Variants in NKX2-5 observed in about 807,000 individuals in gnomAD.
The protein encoded by NKX2-5 is NK2 homeobox 5.
A neutral mutation model predicts 24.5 loss-of-function variants in NKX2-5; 3 were observed. The ratio of observed to expected loss-of-function variants is 0.12; its 90% CI spans 0.06 to 0.32. The LOEUF (loss-of-function observed/expected upper bound fraction) is 0.32. Among genes scored for constraint, NKX2-5 ranks in the 10% least tolerant of loss-of-function variants. NKX2-5 has a pLI of 1.00. For synonymous variants in NKX2-5, 215 were observed against 217.6 expected, an observed-to-expected ratio of 0.99 and a Z score of 0.11; for missense variants, 429 against 452.4, an observed-to-expected ratio of 0.95 and a Z score of 0.47.
chr5:173,232,443 G>A lies in NKX2-5; in HGVS notation c.*126C>T, dbSNP rs545228657. On this transcript the variant is annotated 3_prime_UTR_variant, in exon 2 of 2. Coordinates refer to ENST00000329198, the MANE Select transcript of NKX2-5 (RefSeq NM_004387.4). The surrounding 1 kb of genome is among the most constrained non-coding windows in gnomAD (Gnocchi z 5.9). ...GCGCGTGGGACAGAAAAAGTTCCTA[G>A]GTCTCCGCAGGAGTGAATGCAAAAT... 4.7e-6 allele frequency: 7 copies of A among 1,494,028 alleles called. No homozygotes were observed. The highest frequency in any genetic ancestry group is 6.2e-6 in the Non-Finnish European group (7 of 1,120,640). The allele number at this position is 1,494,028 out of a possible 1,614,324, so 92.5% of individuals were successfully genotyped here.
Position 173,233,514 on chromosome 5 carries a change from A to T in NKX2-5, c.335-305T>A, listed in dbSNP as rs1187696830. The stretch of plus-strand genomic sequence containing the variant: ...TTAAAATTTCAGGCTGCAAAAAAAA[A>T]AAAAATAAATAAAAAAATAAAAAAA... On this transcript the variant is annotated intron_variant, in intron 1 of 1. Transcript: ENST00000329198. 62 of 864,964 alleles carry T rather than the reference A, an allele frequency of 7.2e-5. 1 individual carries two copies. Among genetic ancestry groups the T allele is most frequent in the East Asian group, 2.7e-4 (10 of 37,182 alleles). 53.6% of individuals were successfully genotyped at this position (864,964 alleles called of 1,614,324 possible). A position where few individuals can be genotyped will look rare whatever the true frequency, so the allele number is the denominator to read the frequency against.
Position 173,232,493 on chromosome 5 carries a change from G to A in NKX2-5, c.*76C>T, listed in dbSNP as rs971531341. On this transcript the variant is annotated 3_prime_UTR_variant, in exon 2 of 2. Transcript: ENST00000329198. The surrounding 1 kb of genome is among the most constrained non-coding windows in gnomAD (Gnocchi z 5.9). ...TCCAGGGGACTCAGGGTCATGTTGG[G>A]AGCCCCTTCTCCCCCCGAGAGTCAG... 3.7e-5 allele frequency: 59 copies of A among 1,577,232 alleles called. No homozygotes were observed. The highest frequency in any genetic ancestry group is 4.3e-5 in the Non-Finnish European group (50 of 1,169,260).
chr5:173,233,522 AATAAAAAAAT>A, intron 1 of NKX2-5: 7 of 652,074 alleles, frequency 1.1e-5, no homozygotes, highest in Non-Finnish European at 1.5e-5. Context: ...AAAAAAAATA[AATAAAAAAAT>A]AAAAAAATAA....
chr5:173,234,298 C>T, intron 1 of NKX2-5: 1 of 985,458 alleles, frequency 1.0e-6, no homozygotes, highest in South Asian at 4.7e-5. Context: ...CCAGGACCCT[C>T]CTCCGATTGT....
intron 1 of NKX2-5, chr5:173,233,634 G>A (rs1359718252): frequency 1.5e-6 from 1 of 650,800 alleles, no homozygotes; most frequent in Non-Finnish European, 2.5e-6. Context: ...CTCACTGCTA[G>A]GGACGGTCTT....
chr5:173,234,409 G>T, intron 1 of NKX2-5: 2 of 732,318 alleles, frequency 2.7e-6, no homozygotes, highest in African/African-American at 1.9e-5. Context: ...TAAAAACAGA[G>T]ATTATCTGCT....
intron 1 of NKX2-5, chr5:173,233,888 C>T (rs1761398118): frequency 2.0e-6 from 2 of 985,354 alleles, no homozygotes; most frequent in Non-Finnish European, 2.4e-6. Context: ...TCCCGGCTGG[C>T]AGCGGCCCTT....
intron 1 of NKX2-5, chr5:173,233,758 G>A: frequency 2.4e-6 from 2 of 835,440 alleles, no homozygotes; most frequent in Non-Finnish European, 2.9e-6. Flanking sequence ...CTGCGGGTGG[G>A]CAGGCGGCCT....
intron 1 of NKX2-5, 84 bp downstream of exon 1, chr5:173,234,666 G>T: frequency 8.2e-7 from 1 of 1,223,286 alleles, no homozygotes; most frequent in Non-Finnish European, 1.1e-6. Flanking sequence ...GCCCAAGGGC[G>T]CGTGTCTCCT....
Position 173,232,867 on chromosome 5 carries a change from T to C in NKX2-5, c.677A>G (p.Asp226Gly), listed in dbSNP as rs929243588. Reference sequence around the variant, plus strand: ...CGAGTCCCCTAGGCATGGCTTGCCATCGCGCACCAGCACTGGCACCGCGAT... The same window carrying C: ...CGAGTCCCCTAGGCATGGCTTGCCACCGCGCACCAGCACTGGCACCGCGAT... Reference protein sequence around the residue: ...RRIAVPVLVRDGKPCLGDSAP... With the variant: ...RRIAVPVLVRGGKPCLGDSAP... Residue 226 changes from aspartate to glycine, a missense_variant, in exon 2 of 2, where the codon GAT becomes GGT. Asp to Gly is a moderately conservative substitution (Grantham distance 94). Transcript: ENST00000329198. This position sits in a 1 kb window ranked among gnomAD's most constrained non-coding sequence, Gnocchi z 5.9. The C allele has an allele frequency of 1.2e-6, 2 of 1,610,760 alleles. No homozygotes were observed. The highest frequency in any genetic ancestry group is 1.7e-6 in the Non-Finnish European group (2 of 1,179,096).
At position 173,232,320 on chromosome 5, in the gene NKX2-5, G is replaced by T; in HGVS notation, c.*249C>A. ...CGGGGGTGCCCATGGACTCTCGGAG[G>T]GCACTCCTGGGGGGACAGCTAAGAC... On this transcript the variant is annotated 3_prime_UTR_variant, in exon 2 of 2. Coordinates refer to ENST00000329198, the MANE Select transcript of NKX2-5 (RefSeq NM_004387.4). The surrounding 1 kb of genome is among the most constrained non-coding windows in gnomAD (Gnocchi z 5.9). The T allele has an allele frequency of 1.5e-6, 1 of 657,848 alleles. No homozygotes were observed. Among genetic ancestry groups the T allele is most frequent in the Non-Finnish European group, 2.5e-6 (1 of 402,778 alleles). The allele number at this position is 657,848 out of a possible 1,614,324, so 40.8% of individuals were successfully genotyped here.
rs1330038479 is a variant in NKX2-5 at position 173,235,135 on chromosome 5, C to A, written c.-52G>T. On this transcript the variant is annotated 5_prime_UTR_variant, in exon 1 of 2. Transcript: ENST00000329198. ...AGGTGGGCGGCAGAAAGCGGCGCTG[C>A]CCACGGCCCCTGGCAGCTTCCCTGC... 1.3e-6 allele frequency: 2 copies of A among 1,543,312 alleles called. No homozygotes were observed. Among genetic ancestry groups the A allele is most frequent in the South Asian group, 2.4e-5 (2 of 81,844 alleles).
chr5:173,232,954 C>T lies in NKX2-5; in HGVS notation c.590G>A (p.Arg197Gln), dbSNP rs774482632. The T allele has an allele frequency of 6.2e-7, 1 of 1,608,508 alleles. No homozygotes were observed. Among genetic ancestry groups the T allele is most frequent in the Non-Finnish European group, 8.5e-7 (1 of 1,178,008 alleles). The change falls in exon 2 of 2, where the codon CGG becomes CAG. Residue 197 changes from arginine (R) to glutamine (Q), a missense_variant. This residue lies in a region of NKX2-5 where 183 missense variants were observed against 185.9 expected (regional missense o/e 0.98). Coordinates refer to ENST00000329198, the MANE Select transcript of NKX2-5 (RefSeq NM_004387.4). This position sits in a 1 kb window ranked among gnomAD's most constrained non-coding sequence, Gnocchi z 5.9. ...QNRRYKCKRQ[R>Q]QDQTLELVGL... Reference sequence around the variant, plus strand: ...CACCAGCTCCAGAGTCTGGTCCTGCCGCTGCCGCTTGCACTTGTAGCGCCG... The same window carrying T: ...CACCAGCTCCAGAGTCTGGTCCTGCTGCTGCCGCTTGCACTTGTAGCGCCG...
chr5:173,232,648 TC>T lies in NKX2-5; in HGVS notation c.895del (p.Asp299ThrfsTer2). 1 of 1,613,034 alleles carries T rather than the reference TC, an allele frequency of 6.2e-7. No homozygotes were observed. ...CCCGGGGCTCTGAACCGCATTCAAG[TC>T]CCCGACGCCGAAGTTCACGAAGTTG... ...NNNFVNFGVG[D>X]LNAVQSPGIP... On this transcript the variant is annotated frameshift_variant, in exon 2 of 2. Transcript: ENST00000329198. LOFTEE classifies it high-confidence loss of function. This position sits in a 1 kb window ranked among gnomAD's most constrained non-coding sequence, Gnocchi z 5.9.
intron 1 of NKX2-5, chr5:173,233,532 T>TAAAAA (rs1275879896): frequency 2.4e-6 from 2 of 825,362 alleles, no homozygotes; most frequent in Non-Finnish European, 3.7e-6. Flanking sequence ...AATAAAAAAA[T>TAAAAA]AAAAAAATAA....
rs762755501 is a variant in NKX2-5, at chr5:173,235,092, C to T, written c.-9G>A. On this transcript the variant is annotated 5_prime_UTR_variant, in exon 1 of 2. Transcript: ENST00000329198. Reference sequence around the variant, plus strand: ...GCAGGGCTGGGGAACATGGTGGCAGCGCCAGTCTCACAGCGCCAGGTGGGC... The same window carrying T: ...GCAGGGCTGGGGAACATGGTGGCAGTGCCAGTCTCACAGCGCCAGGTGGGC... The T allele has an allele frequency of 2.5e-6, 4 of 1,597,704 alleles. No individual in the cohort carries two copies. The highest frequency in any genetic ancestry group is 3.4e-6 in the Non-Finnish European group (4 of 1,173,772).
Position 173,232,665 on chromosome 5 carries a change from C to T in NKX2-5, c.879G>A (p.Val293=). Reference sequence around the variant, plus strand: ...CATTCAAGTCCCCGACGCCGAAGTTCACGAAGTTGTTGTTGGCGGCGGCAG... The same window carrying T: ...CATTCAAGTCCCCGACGCCGAAGTTTACGAAGTTGTTGTTGGCGGCGGCAG... The part of the protein sequence containing the change: ...PATAAANNNF[V]NFGVGDLNAV... The change falls in exon 2 of 2, where the codon GTG becomes GTA. Residue 293 remains valine (V), a synonymous_variant. Coordinates refer to ENST00000329198, the MANE Select transcript of NKX2-5 (RefSeq NM_004387.4). The surrounding 1 kb of genome is among the most constrained non-coding windows in gnomAD (Gnocchi z 5.9). 6.2e-7 allele frequency: 1 copy of T among 1,612,726 alleles called. No homozygotes were observed. The highest frequency in any genetic ancestry group is 1.3e-5 in the African/African-American group (1 of 75,068).
intron 1 of NKX2-5, chr5:173,233,573 C>G: frequency 2.6e-6 from 2 of 779,802 alleles, no homozygotes; most frequent in Non-Finnish European, 4.1e-6. Context: ...CTGGGGTGAA[C>G]TGAATTAGGG....
chr5:173,232,736 A>C lies in NKX2-5; in HGVS notation c.808T>G (p.Cys270Gly). ...GGAACSPGYS[C>G]TAAYPAGPSP... Reference sequence around the variant, plus strand: ...GGCCCGGCGGGGTAAGCGGCAGTGCAGCTGTAGCCAGGGCTGCAGGCCGCG... The same window carrying C: ...GGCCCGGCGGGGTAAGCGGCAGTGCCGCTGTAGCCAGGGCTGCAGGCCGCG... Residue 270 changes from cysteine (C) to glycine (G), a missense_variant, in exon 2 of 2, where the codon TGC becomes GGC. This residue lies in a region of NKX2-5 where 183 missense variants were observed against 185.9 expected (regional missense o/e 0.98). Transcript: ENST00000329198. The surrounding 1 kb of genome is among the most constrained non-coding windows in gnomAD (Gnocchi z 5.9). 1 of 1,605,756 alleles carries C rather than the reference A, an allele frequency of 6.2e-7. No homozygotes were observed. Among genetic ancestry groups the C allele is most frequent in the Non-Finnish European group, 8.5e-7 (1 of 1,175,964 alleles).
Sources: gnomAD v4.1 joint callset for allele counts on GRCh38, gnomAD v4.1.1 for gene constraint, gnomAD v4.1.1 regional missense constraint, Gnocchi (gnomAD v3.1) non-coding constraint, MANE v1.5 for transcripts, NCBI Gene and HGNC (gene_info 2026-07-23, HGNC 2026-07-21) for gene names.